Variants in KIF26B observed in about 807,000 individuals in gnomAD.
KIF26B encodes kinesin-like protein KIF26B.
Under a neutral mutation model 151.2 loss-of-function variants are expected in KIF26B, and 63 were observed. The ratio of observed to expected loss-of-function variants is 0.42; its 90% CI spans 0.34 to 0.51. The LOEUF (loss-of-function observed/expected upper bound fraction) is 0.51, where lower values mean the gene tolerates loss of function less well. KIF26B is among the 20% of genes least tolerant of loss of function. The pLI, the probability that KIF26B is intolerant of heterozygous loss-of-function variation, is 0.07. For missense variants in KIF26B, 2,813 were observed against 2,913.6 expected (o/e 0.97, Z 0.79); for synonymous variants, 1,357 against 1,262.1 (o/e 1.08, Z -1.59).
At chr1:245,315,006 C>A (rs376854508) in intron 2 of KIF26B, among the ~76,000 whole-genome samples, 2 of 151,872 alleles carry the variant, frequency 1.3e-5, no homozygotes, top group Non-Finnish European at 2.9e-5. Flanking sequence ...CATGGAGAAA[C>A]CCCGTCTCTA....
intron 2 of KIF26B, among the ~76,000 whole-genome samples, chr1:245,261,504 C>T (rs144894928): frequency 8.6e-4 from 84 of 98,056 alleles, no homozygotes; most frequent in Admixed American, 2.2e-3. Flanking sequence ...TCTCTCTCTC[C>T]CTCCCTCCCT....
chr1:245,636,419 T>C (rs914572299), intron 9 of KIF26B, among the ~76,000 whole-genome samples: 2 of 151,988 alleles, frequency 1.3e-5, no homozygotes, highest in African/African-American at 4.8e-5. Context: ...TTGTGTGTCA[T>C]AGTTGTACAT....
chr1:245,501,627 G>T (rs995898053), intron 4 of KIF26B, among the ~76,000 whole-genome samples: 7 of 152,182 alleles, frequency 4.6e-5, no homozygotes, highest in African/African-American at 1.7e-4. Flanking sequence ...TTAATTGGAG[G>T]ATAATTGCTA....
chr1:245,688,772 G>C lies in KIF26B; in HGVS notation c.5789G>C (p.Arg1930Pro). The change falls in exon 12 of 15, where the codon CGG becomes CCG. Residue 1930 changes from arginine to proline, a missense_variant. By Grantham distance (103) the Arg-to-Pro change is moderately radical. Around this residue, in one of 3 missense-constraint regions of KIF26B, gnomAD observed 2,060 missense variants for 2,088.6 expected, o/e 0.99. Coordinates refer to ENST00000407071, the MANE Select transcript of KIF26B (RefSeq NM_018012.4). Reference sequence around the variant, plus strand: ...AGCAGCTCCGTGGGCGGCAGGTGCCGGAGCCTCAAGACCCCGAAGAAACGC... The same window carrying C: ...AGCAGCTCCGTGGGCGGCAGGTGCCCGAGCCTCAAGACCCCGAAGAAACGC... ...ENSSSVGGRC[R>P]SLKTPKKRSN... The C allele has an allele frequency of 1.3e-6, 2 of 1,596,760 alleles. No homozygotes were observed. The highest frequency in any genetic ancestry group is 1.7e-6 in the Non-Finnish European group (2 of 1,169,584).
chr1:245,298,073 G>A (rs979399624), intron 2 of KIF26B, among the ~76,000 whole-genome samples: 1 of 152,074 alleles, frequency 6.6e-6, no homozygotes, highest in Non-Finnish European at 1.5e-5. Flanking sequence ...TTTTAGTAGA[G>A]ACGGGCTCTC....
intron 4 of KIF26B, among the ~76,000 whole-genome samples, chr1:245,435,130 C>T (rs1773807): frequency 1.0e-4 from 15 of 145,110 alleles, no homozygotes; most frequent in African/African-American, 1.8e-4. Context: ...TCTCCATCTA[C>T]CCATCCATCC....
intron 2 of KIF26B, among the ~76,000 whole-genome samples, chr1:245,256,838 T>C (rs569211006): frequency 6.6e-6 from 1 of 152,324 alleles, no homozygotes; most frequent in African/African-American, 2.4e-5. Flanking sequence ...GAAATAAAAG[T>C]ATTTTGCCTC....
At chr1:245,236,026 G>A (rs922542902) in intron 2 of KIF26B, among the ~76,000 whole-genome samples, 2 of 151,428 alleles carry the variant, frequency 1.3e-5, no homozygotes, top group African/African-American at 2.4e-5. Flanking sequence ...ACCTCCTGGG[G>A]TCAAGTGATT....
chr1:245,704,664 C>T lies in KIF26B; in HGVS notation c.*2058C>T, dbSNP rs1351298715. ...AAGTGTGTTGCCCTGGGAAGCAGGA[C>T]CTCCCTGAGCTCCTTAACCTTGACC... On this transcript the variant is annotated 3_prime_UTR_variant, in exon 15 of 15. Transcript: ENST00000407071. 1 of 152,242 alleles carries T rather than the reference C, an allele frequency of 6.6e-6. No homozygotes were observed. The allele number at this position is 152,242 out of a possible 1,614,324, so 9.4% of individuals were successfully genotyped here. A position where few individuals can be genotyped will look rare whatever the true frequency, so the allele number is the denominator to read the frequency against.
intron 2 of KIF26B, among the ~76,000 whole-genome samples, chr1:245,160,860 T>G (rs1289154670): frequency 6.6e-6 from 1 of 152,086 alleles, no homozygotes; most frequent in African/African-American, 2.4e-5. Flanking sequence ...ACCAAGTAAG[T>G]CTAGACTTGA....
At chr1:245,394,546 C>T (rs982161207) in intron 3 of KIF26B, among the ~76,000 whole-genome samples, 1 of 152,066 alleles carries the variant, frequency 6.6e-6, no homozygotes, top group African/African-American at 2.4e-5. Context: ...TTGCTTGAAC[C>T]AGGGAGGCAG....
At position 245,601,070 on chromosome 1, in the gene KIF26B, C is replaced by T. The variant is rs562954143; in HGVS notation, c.1351-1507C>T. 1.1e-4 allele frequency among the ~76,000 whole-genome samples: 16 copies of T among 152,336 alleles called. No homozygotes were observed. In the Middle Eastern group the frequency reaches 0.01, roughly 97 times the overall value. On this transcript the variant is annotated intron_variant, in intron 5 of 14. Transcript: ENST00000407071. The surrounding 1 kb of genome is among the most constrained non-coding windows in gnomAD (Gnocchi z 4.4). Reference sequence around the variant, plus strand: ...GGATTAAATGAGATCGTGTAGATAACAGCATAGTCCTGGCATATGAGAGAA... The same window carrying T: ...GGATTAAATGAGATCGTGTAGATAATAGCATAGTCCTGGCATATGAGAGAA...
chr1:245,461,579 C>G (rs1260552157), intron 4 of KIF26B, among the ~76,000 whole-genome samples: 1 of 152,062 alleles, frequency 6.6e-6, no homozygotes, highest in Non-Finnish European at 1.5e-5. Context: ...AAATTAATGT[C>G]CATCCTTTGC....
rs1010202708 is a variant in KIF26B, at chr1:245,488,497, G to A, written c.1167-52270G>A. On this transcript the variant is annotated intron_variant, in intron 4 of 14. Coordinates refer to ENST00000407071, the MANE Select transcript of KIF26B (RefSeq NM_018012.4). This position sits in a 1 kb window ranked among gnomAD's most constrained non-coding sequence, Gnocchi z 4.6. The stretch of plus-strand genomic sequence containing the variant: ...TGAGCCATGACACCTGTCACTTCCC[G>A]TCTGAGCAGTTCCTGAAGAAACAGC... 3.9e-5 allele frequency among the ~76,000 whole-genome samples: 6 copies of A among 152,042 alleles called. No individual in the cohort carries two copies. Among genetic ancestry groups the A allele is most frequent in the South Asian group, 2.1e-4 (1 of 4,810 alleles).
In KIF26B at chr1:245,590,256, G is replaced by GCAGGGTCC. The variant is rs529608197; in HGVS notation, c.1351-12319_1351-12312dup. Reference sequence around the variant, plus strand: ...CCTGGCCGCACCGTGCCGCGCATGCGCAGGGTCCCGGGGTCCCTGGGGTCC... The same window carrying GCAGGGTCC: ...CCTGGCCGCACCGTGCCGCGCATGCGCAGGGTCCCAGGGTCCCGGGGTCCCTGGGGTCC... On this transcript the variant is annotated intron_variant, in intron 5 of 14. Coordinates refer to ENST00000407071, the MANE Select transcript of KIF26B (RefSeq NM_018012.4). Among the ~76,000 whole-genome samples, 441 of 151,012 alleles carry GCAGGGTCC rather than the reference G, an allele frequency of 2.9e-3. 1 individual carries two copies. Among genetic ancestry groups the GCAGGGTCC allele is most frequent in the Admixed American group, 7.4e-3 (112 of 15,210 alleles).
At chr1:245,182,279 C>T (rs925100824) in intron 2 of KIF26B, among the ~76,000 whole-genome samples, 1 of 152,220 alleles carries the variant, frequency 6.6e-6, no homozygotes, top group African/African-American at 2.4e-5. Context: ...CTTTCCGTCT[C>T]TGTAGATTTT....
intron 5 of KIF26B, among the ~76,000 whole-genome samples, chr1:245,558,082 A>G (rs1022878688): frequency 6.6e-6 from 1 of 152,108 alleles, no homozygotes; most frequent in African/African-American, 2.4e-5. Flanking sequence ...AGCCTCGTAG[A>G]TTTCTCTTTG....
chr1:245,660,993 T>A (rs2044130618), intron 10 of KIF26B, among the ~76,000 whole-genome samples: 1 of 150,378 alleles, frequency 6.6e-6, no homozygotes, highest in Admixed American at 6.6e-5. Flanking sequence ...TTTTTTCTTT[T>A]TTTTTTTTTT....
chr1:245,554,141 TC>T (rs1661960992), intron 5 of KIF26B, among the ~76,000 whole-genome samples: 1 of 152,196 alleles, frequency 6.6e-6, no homozygotes, highest in Non-Finnish European at 1.5e-5. Flanking sequence ...TCATGTACCA[TC>T]CCTTGCCCAG....
Sources: gnomAD v4.1 joint callset for allele counts (sites outside exome capture counted in the v4.1 genomes callset) on GRCh38, gnomAD v4.1.1 for gene constraint, gnomAD v4.1.1 regional missense constraint, Gnocchi (gnomAD v3.1) non-coding constraint, MANE v1.5 for transcripts, NCBI Gene and HGNC (gene_info 2026-07-23, HGNC 2026-07-21) for gene names.